The following CNOT4 variants were observed in gnomAD, a reference collection of about 807,000 sequenced individuals.
The protein encoded by CNOT4 is CCR4-associated factor 4.
CNOT4 carries 8 observed loss-of-function variants against 73.8 expected under a neutral mutation model. The observed-to-expected ratio is 0.11, with a 90% confidence interval of 0.06 to 0.20. The LOEUF is 0.20. CNOT4 is among the 10% of genes least tolerant of loss of function. The pLI is 1.00. For synonymous variants in CNOT4, 293 were observed against 321.1 expected (o/e 0.91, Z 0.94); for missense variants, 564 against 883.4 (o/e 0.64, Z 4.58).
In CNOT4 at chr7:135,419,922, G is replaced by A. The variant is rs190444462; in HGVS notation, c.372+2234C>T. Among the ~76,000 whole-genome samples, 19 of 151,868 alleles carry A rather than the reference G, an allele frequency of 1.3e-4. No individual in the cohort carries two copies. In the East Asian group the frequency reaches 3.7e-3, roughly 29 times the overall value. ...AAAAAAATTAGCTGGGCATGGTGGTGCACACCTGTAATCCCAGTTCCTCAG... is the reference window on the plus strand; with the variant it reads ...AAAAAAATTAGCTGGGCATGGTGGTACACACCTGTAATCCCAGTTCCTCAG... On this transcript the variant is annotated intron_variant, in intron 3 of 11. Coordinates refer to ENST00000541284, the MANE Select transcript of CNOT4 (RefSeq NM_001190850.2).
At chr7:135,466,944 A>G (rs1390987735) in intron 1 of CNOT4, among the ~76,000 whole-genome samples, 1 of 152,198 alleles carries the variant, frequency 6.6e-6, no homozygotes, top group Non-Finnish European at 1.5e-5. Context: ...CACAACAACA[A>G]AATAATCTAA....
At chr7:135,458,539 C>T (rs768495404) in intron 1 of CNOT4, among the ~76,000 whole-genome samples, 2 of 152,210 alleles carry the variant, frequency 1.3e-5, no homozygotes, top group East Asian at 1.9e-4. Flanking sequence ...ATTTTACCCA[C>T]GTAGAACCTC....
intron 1 of CNOT4, among the ~76,000 whole-genome samples, chr7:135,472,531 A>G (rs1262262158): frequency 1.3e-4 from 7 of 54,110 alleles, no homozygotes; most frequent in Non-Finnish European, 2.3e-4. Flanking sequence ...ATATATATAT[A>G]TATATATATA....
intron 1 of CNOT4, among the ~76,000 whole-genome samples, chr7:135,495,682 AAAAAAAAAAAAGAAAGAAAGAAAGAAAG>A (rs1803462306): frequency 7.1e-5 from 7 of 98,258 alleles, no homozygotes; most frequent in Non-Finnish European, 1.3e-4. Flanking sequence ...AAAAAAAAAA[AAAAAAAAAAAAGAAAGAAAGAAAGAAAG>A]AAAGAAAGAA....
Position 135,363,035 on chromosome 7 carries a change from G to A in CNOT4, c.1992C>T (p.Ile664=), listed in dbSNP as rs1563005652. The change falls in exon 12 of 12, where the codon ATC becomes ATT. Residue 664 remains isoleucine, a synonymous_variant. Transcript: ENST00000541284. This position sits in a 1 kb window ranked among gnomAD's most constrained non-coding sequence, Gnocchi z 4.3. ...GATTCCAACTGGCTCTGTGCAGCGG[G>A]ATCTGTGTGCTGAAGGGGGCGCTGT... ...THHSAPFSTQ[I]PLHRASWNPY... The A allele has an allele frequency of 6.2e-7, 1 of 1,613,748 alleles. No homozygotes were observed. Among genetic ancestry groups the A allele is most frequent in the Admixed American group, 1.7e-5 (1 of 59,980 alleles).
intron 1 of CNOT4, among the ~76,000 whole-genome samples, chr7:135,468,800 A>T (rs1025663219): frequency 4.6e-5 from 7 of 152,024 alleles, no homozygotes; most frequent in African/African-American, 1.7e-4. Context: ...AGTTCACTAT[A>T]TGTCAGAATC....
At chr7:135,425,192 GAAGGCGT>G (rs1798422988) in intron 2 of CNOT4, among the ~76,000 whole-genome samples, 1 of 152,226 alleles carries the variant, frequency 6.6e-6, no homozygotes, top group African/African-American at 2.4e-5. Context: ...CTTCATCACA[GAAGGCGT>G]AAGAAGCAAT....
At chr7:135,495,610 TAA>T (rs1229516096) in intron 1 of CNOT4, among the ~76,000 whole-genome samples, 2 of 123,072 alleles carry the variant, frequency 1.6e-5, no homozygotes, top group South Asian at 2.5e-4. Flanking sequence ...TGGGAGGCTA[TAA>T]GGAGCCAAGA....
rs1799713484 is a variant in CNOT4 at position 135,444,770 on chromosome 7, C to T, written c.-92-6347G>A. ...CCCTCACTCTTCATGGTCACTGGGG[C>T]CTTGGACAAGTTGTTACTGACTATG... is the stretch of plus-strand genomic sequence containing the variant. On this transcript the variant is annotated intron_variant, in intron 1 of 11. Transcript: ENST00000541284. The T allele has an allele frequency of 5.9e-6, 9 of 1,538,292 alleles. No homozygotes were observed. In the South Asian group the frequency reaches 1.0e-4, roughly 17 times the overall value.
Position 135,394,129 on chromosome 7 carries a change from C to G in CNOT4, c.1416G>C (p.Leu472Phe). The G allele has an allele frequency of 6.2e-7, 1 of 1,614,104 alleles. No homozygotes were observed. The highest frequency in any genetic ancestry group is 1.1e-5 in the South Asian group (1 of 91,082). Reference protein sequence around the residue: ...ANSLNSTFSVLPQRFPQFQQH... With the variant: ...ANSLNSTFSVFPQRFPQFQQH... ...GCTGAAATTGAGGGAACCTCTGGGG[C>G]AAGACTGAAAAGGTACTATTGAGAG... The change falls in exon 10 of 12, where the codon TTG (leucine) becomes TTC (phenylalanine). Residue 472 changes from leucine (L) to phenylalanine (F), a missense_variant. Physicochemically the swap from Leu to Phe is conservative, Grantham distance 22 (BLOSUM62 0). Around this residue, in one of 10 missense-constraint regions of CNOT4, gnomAD observed 153 missense variants for 158.7 expected, o/e 0.96. Transcript: ENST00000541284.
Position 135,459,679 on chromosome 7 carries a change from A to G in CNOT4, c.-92-21256T>C, listed in dbSNP as rs372354913. On this transcript the variant is annotated intron_variant, in intron 1 of 11. Coordinates refer to ENST00000541284, the MANE Select transcript of CNOT4 (RefSeq NM_001190850.2). Reference sequence around the variant, plus strand: ...AGAGCATAGGCAGGGTAGATTTAGCATAATTCCTAAGGGCCCTGTGGTTTT... The same window carrying G: ...AGAGCATAGGCAGGGTAGATTTAGCGTAATTCCTAAGGGCCCTGTGGTTTT... Among the ~76,000 whole-genome samples, 15 of 152,330 alleles carry G rather than the reference A, an allele frequency of 9.8e-5. 1 individual carries two copies. Among genetic ancestry groups the G allele is most frequent in the African/African-American group, 3.6e-4 (15 of 41,578 alleles).
At chr7:135,461,380 T>A (rs186259875) in intron 1 of CNOT4, among the ~76,000 whole-genome samples, 1 of 152,108 alleles carries the variant, frequency 6.6e-6, no homozygotes, top group Non-Finnish European at 1.5e-5. Context: ...TTTTATCAAA[T>A]ATTCAGAAGA....
intron 10 of CNOT4, among the ~76,000 whole-genome samples, chr7:135,372,819 T>G (rs574668519): frequency 4.6e-5 from 7 of 152,202 alleles, no homozygotes; most frequent in Admixed American, 4.6e-4. Context: ...CCTCCCAAAG[T>G]GCTGGGATTA....
At position 135,363,898 on chromosome 7, in the gene CNOT4, C is replaced by T. The variant is rs1338860546; in HGVS notation, c.1796G>A (p.Ser599Asn). The change falls in exon 11 of 12, where the codon AGT becomes AAT. Residue 599 changes from serine (S) to asparagine (N), a missense_variant. This residue lies in a region of CNOT4 where 53 missense variants were observed against 75.4 expected (regional missense o/e 0.70). Coordinates refer to ENST00000541284, the MANE Select transcript of CNOT4 (RefSeq NM_001190850.2). This position sits in a 1 kb window ranked among gnomAD's most constrained non-coding sequence, Gnocchi z 4.3. Reference protein sequence around the residue: ...TSNTATTDSLSWDSPGSWTDP... With the variant: ...TSNTATTDSLNWDSPGSWTDP... The stretch of plus-strand genomic sequence containing the variant: ...TGTCCAGCTGCCAGGGCTGTCCCAA[C>T]TCAGGCTGTCGGTGGTGGCAGTGTT... 3 of 1,598,348 alleles carry T rather than the reference C, an allele frequency of 1.9e-6. No individual in the cohort carries two copies. The highest frequency in any genetic ancestry group is 1.7e-5 in the Admixed American group (1 of 60,012).
At chr7:135,506,845 CAA>C (rs35388349) in intron 1 of CNOT4, among the ~76,000 whole-genome samples, 1 of 114,552 alleles carries the variant, frequency 8.7e-6, no homozygotes. Flanking sequence ...GAGACTGTCT[CAA>C]AAAAAAAAAG....
At chr7:135,495,001 T>G (rs561759256) in intron 1 of CNOT4, among the ~76,000 whole-genome samples, 1 of 152,334 alleles carries the variant, frequency 6.6e-6, no homozygotes, top group African/African-American at 2.4e-5. Flanking sequence ...TTTAAAAGAT[T>G]AAATAATTAC....
chr7:135,398,471 C>T (rs1796821513), intron 7 of CNOT4, among the ~76,000 whole-genome samples: 1 of 151,960 alleles, frequency 6.6e-6, no homozygotes, highest in Non-Finnish European at 1.5e-5. Context: ...GCTGACATGA[C>T]ACTCAAAGAA....
At chr7:135,438,654 C>T (rs376025672) in intron 1 of CNOT4, among the ~76,000 whole-genome samples, 157 of 152,074 alleles carry the variant, frequency 1.0e-3, no homozygotes, top group African/African-American at 3.6e-3. Context: ...CCTTTTTTCT[C>T]GATAAAACAT....
chr7:135,454,838 C>T (rs894045830), intron 1 of CNOT4, among the ~76,000 whole-genome samples: 1 of 152,072 alleles, frequency 6.6e-6, no homozygotes, highest in African/African-American at 2.4e-5. Context: ...GAGCCGAGAT[C>T]ATGCCACTTC....
Sources: gnomAD v4.1 joint callset for allele counts (sites outside exome capture counted in the v4.1 genomes callset) on GRCh38, gnomAD v4.1.1 for gene constraint, gnomAD v4.1.1 regional missense constraint, Gnocchi (gnomAD v3.1) non-coding constraint, MANE v1.5 for transcripts, NCBI Gene and HGNC (gene_info 2026-07-23, HGNC 2026-07-21) for gene names.